Variants in SUMF1 observed in about 807,000 individuals in gnomAD.
The protein encoded by SUMF1 is sulfatase modifying factor 1.
SUMF1 carries 48 observed loss-of-function variants against 47.6 expected under a neutral mutation model. That is an observed-to-expected ratio of 1.01 (90% confidence interval 0.80 to 1.28). The LOEUF is 1.28. Among genes scored for constraint, SUMF1 ranks in the 50% most tolerant of loss-of-function variants. The pLI, the probability that SUMF1 is intolerant of heterozygous loss-of-function variation, is 0.00. For missense variants in SUMF1, 571 were observed against 485.4 expected, an observed-to-expected ratio of 1.18 and a Z score of -1.66; for synonymous variants, 230 against 192.1, an observed-to-expected ratio of 1.20 and a Z score of -1.63.
At chr3:4,262,299 C>G (rs1209582135) in intron 8 of SUMF1, among the ~76,000 whole-genome samples, 1 of 152,122 alleles carries the variant, frequency 6.6e-6, no homozygotes, top group African/African-American at 2.4e-5. Flanking sequence ...AGCCACACTG[C>G]AAGGCTTATT....
intron 8 of SUMF1, among the ~76,000 whole-genome samples, chr3:4,273,842 G>A (rs559508066): frequency 3.4e-5 from 5 of 148,370 alleles, no homozygotes; most frequent in African/African-American, 1.3e-4. Context: ...GGCAAGGGAG[G>A]GCATGGGAAG....
chr3:4,321,470 T>TAAAAAAAAAAAAAA (rs1206478992), intron 8 of SUMF1, among the ~76,000 whole-genome samples: 3 of 63,738 alleles, frequency 4.7e-5, no homozygotes, highest in Non-Finnish European at 6.2e-5. Flanking sequence ...AAGGAAATGC[T>TAAAAAAAAAAAAAA]AAAAAAAAAA....
chr3:4,329,770 T>C (rs918841713), intron 8 of SUMF1, among the ~76,000 whole-genome samples: 14 of 152,220 alleles, frequency 9.2e-5, no homozygotes, highest in Non-Finnish European at 2.1e-4. Flanking sequence ...AAAATGTTTT[T>C]TTTTTTTCCT....
intron 8 of SUMF1, among the ~76,000 whole-genome samples, chr3:4,306,055 G>A (rs984329232): frequency 3.9e-5 from 6 of 152,062 alleles, no homozygotes; most frequent in Admixed American, 1.3e-4. Flanking sequence ...TGGTGGGTTG[G>A]GCTGCAAAGA....
chr3:4,459,531 G>A (rs2079755170), intron 1 of SUMF1, among the ~76,000 whole-genome samples: 1 of 152,144 alleles, frequency 6.6e-6, no homozygotes. Flanking sequence ...CCTTGCTGGT[G>A]GCTGCTTTGA....
At chr3:4,061,238 C>T (rs1419070044) in intron 9 of SUMF1, among the ~76,000 whole-genome samples, 1 of 152,068 alleles carries the variant, frequency 6.6e-6, no homozygotes, top group African/African-American at 2.4e-5. Flanking sequence ...AATGGATCCT[C>T]CCAATCTTAA....
At chr3:4,338,181 T>C (rs1699194072) in intron 8 of SUMF1, among the ~76,000 whole-genome samples, 2 of 151,982 alleles carry the variant, frequency 1.3e-5, no homozygotes, top group Non-Finnish European at 2.9e-5. Context: ...AGGCGGAGGA[T>C]GGCTTGAGCC....
rs557352038 is a variant in SUMF1 at position 4,293,168 on chromosome 3, CCAAT to C, written c.1014+83158_1014+83161del. Among the ~76,000 whole-genome samples, 352 of 152,250 alleles carry C rather than the reference CCAAT, an allele frequency of 2.3e-3. 3 individuals carry two copies. The highest frequency in any genetic ancestry group is 7.9e-3 in the African/African-American group (328 of 41,546). On this transcript the variant is annotated intron_variant and NMD_transcript_variant, in intron 8 of 12. Coordinates refer to the SUMF1 transcript ENST00000448413. ...AGGAATTCAGAGCTGCCTGTTATGA[CCAAT>C]CATTCATCAACCACATAGTGCAGTT... is the stretch of plus-strand genomic sequence containing the variant.
intron 1 of SUMF1, among the ~76,000 whole-genome samples, chr3:4,459,498 T>C (rs1482173633): frequency 6.6e-6 from 1 of 152,242 alleles, no homozygotes; most frequent in African/African-American, 2.4e-5. Flanking sequence ...TCATTGATTC[T>C]ACTTTCCATT....
intron 7 of SUMF1, among the ~76,000 whole-genome samples, chr3:4,404,115 A>G (rs1049399272): frequency 3.9e-5 from 6 of 152,218 alleles, no homozygotes; most frequent in Non-Finnish European, 8.8e-5. Context: ...TGAACCATAC[A>G]TTTGAGTTTA....
chr3:4,255,991 T>A (rs1283727860), intron 8 of SUMF1, among the ~76,000 whole-genome samples: 1 of 148,858 alleles, frequency 6.7e-6, no homozygotes, highest in Non-Finnish European at 1.5e-5. Context: ...ACATGCAAAC[T>A]GAACAACCTG....
chr3:4,466,462 GAC>G (rs2079949286), intron 1 of SUMF1, among the ~76,000 whole-genome samples: 1 of 152,094 alleles, frequency 6.6e-6, no homozygotes, highest in Non-Finnish European at 1.5e-5. Flanking sequence ...CGCTAAGCAA[GAC>G]AGATAAATAA....
chr3:4,411,998 T>A (rs1559282575), intron 6 of SUMF1, among the ~76,000 whole-genome samples: 1 of 152,196 alleles, frequency 6.6e-6, no homozygotes, highest in Admixed American at 6.5e-5. Flanking sequence ...CCCATGAATA[T>A]GGAAGCATCT....
rs1697676438 is a variant in SUMF1, at chr3:4,288,346, TA to T, written c.1014+87983del. Among the ~76,000 whole-genome samples the T allele has an allele frequency of 2.0e-5, 3 of 152,310 alleles. No homozygotes were observed. In the South Asian group the frequency reaches 6.2e-4, roughly 32 times the overall value. On this transcript the variant is annotated intron_variant and NMD_transcript_variant, in intron 8 of 12. Transcript: ENST00000448413. Reference sequence around the variant, plus strand: ...GCAAAGATTAAGAACCAGAAATTATTATTTTCTGTGTCTTTCTACTTTAAAA... The same window carrying T: ...GCAAAGATTAAGAACCAGAAATTATTTTTTCTGTGTCTTTCTACTTTAAAA...
chr3:4,079,075 C>T (rs569976834), intron 8 of SUMF1, among the ~76,000 whole-genome samples: 4 of 152,188 alleles, frequency 2.6e-5, no homozygotes, highest in African/African-American at 4.8e-5. Flanking sequence ...AGCAGTTCTG[C>T]GTGAGTCGCC....
At chr3:4,315,565 A>C (rs948148286) in intron 8 of SUMF1, among the ~76,000 whole-genome samples, 1 of 152,142 alleles carries the variant, frequency 6.6e-6, no homozygotes, top group Non-Finnish European at 1.5e-5. Flanking sequence ...CCAGATTCCT[A>C]AGGTAAGAGT....
chr3:4,232,331 C>G (rs1696318551), intron 8 of SUMF1, among the ~76,000 whole-genome samples: 1 of 152,018 alleles, frequency 6.6e-6, no homozygotes, highest in African/African-American at 2.4e-5. Context: ...CAGCTGTTCC[C>G]CGCGATGAAT....
chr3:4,323,609 A>G (rs1375588147), intron 8 of SUMF1, among the ~76,000 whole-genome samples: 2 of 152,176 alleles, frequency 1.3e-5, no homozygotes, highest in Non-Finnish European at 2.9e-5. Context: ...GAGCAGCAGA[A>G]GAATGAGGAG....
chr3:4,406,899 C>T (rs138927538), intron 7 of SUMF1, among the ~76,000 whole-genome samples: 1 of 152,262 alleles, frequency 6.6e-6, no homozygotes, highest in Admixed American at 6.5e-5. Flanking sequence ...CACTACATAG[C>T]ACCACAGATT....
Sources: allele counts gnomAD v4.1 joint callset (sites outside exome capture counted in the v4.1 genomes callset), GRCh38; gene constraint gnomAD v4.1.1; transcripts MANE v1.5; gene names NCBI Gene and HGNC (gene_info 2026-07-23, HGNC 2026-07-21).